The following RHEB variants were observed in gnomAD, a reference collection of about 807,000 sequenced individuals.
The protein encoded by RHEB is Ras homolog, mTORC1 binding.
In RHEB, 2 loss-of-function variants were observed where a neutral mutation model predicts 28.8. The observed-to-expected ratio is 0.07, with a 90% CI of 0.03 to 0.22. RHEB has a LOEUF of 0.22. RHEB is among the 10% of genes least tolerant of loss of function. The pLI is 1.00. For synonymous variants in RHEB, 69 were observed against 77.3 expected, an observed-to-expected ratio of 0.89 and a Z score of 0.56; for missense variants, 76 against 219.9, an observed-to-expected ratio of 0.35 and a Z score of 4.14.
intron 1 of RHEB, chr7:151,501,839 T>C (rs1374564046): frequency 2.0e-6 from 1 of 512,114 alleles, no homozygotes; most frequent in East Asian, 4.6e-5. Context: ...CAGCCGCTGC[T>C]GCCCAGAACT....
At chr7:151,498,288 A>C in intron 1 of RHEB, 1 of 500,486 alleles carries the variant, frequency 2.0e-6, no homozygotes, top group Non-Finnish European at 3.7e-6. Context: ...GAAAGAAATC[A>C]AACATCAATG....
Position 151,503,158 on chromosome 7 carries a change from T to C in RHEB, c.53-12144A>G, listed in dbSNP as rs1802804081. 8 of 791,934 alleles carry C rather than the reference T, an allele frequency of 1.0e-5. No homozygotes were observed. The South Asian group carries it at 1.1e-4, about 11-fold the overall frequency. 49.1% of individuals were successfully genotyped at this position (791,934 alleles called of 1,614,324 possible). ...TGGATATAATGAGATATGTTCTTTA[T>C]TGCCAAGGCACAGAAAAGGAGAAAA... is the stretch of plus-strand genomic sequence containing the variant. On this transcript the variant is annotated intron_variant, in intron 1 of 7. Transcript: ENST00000262187.
intron 4 of RHEB, among the ~76,000 whole-genome samples, chr7:151,476,195 G>GA (rs2150922380): frequency 6.6e-6 from 1 of 152,216 alleles, no homozygotes; most frequent in Non-Finnish European, 1.5e-5. Flanking sequence ...CTGCCACGGA[G>GA]AAAAATGTTA....
chr7:151,486,245 T>G (rs1802471707), intron 2 of RHEB, among the ~76,000 whole-genome samples: 1 of 152,188 alleles, frequency 6.6e-6, no homozygotes. Context: ...TGACCTTCAA[T>G]TAGAACTAAG....
At chr7:151,477,454 T>A (rs761296286) in intron 3 of RHEB, 39 bp from the exon 4 acceptor site, 1 of 1,196,674 alleles carries the variant, frequency 8.4e-7, no homozygotes, top group East Asian at 2.4e-5. Context: ...AGTCTTCATA[T>A]AGCATCACAA....
chr7:151,503,270 C>T, intron 1 of RHEB: 1 of 784,996 alleles, frequency 1.3e-6, no homozygotes, highest in Non-Finnish European at 2.4e-6. Context: ...GAGAGCATGC[C>T]CCTGTTGGAA....
chr7:151,478,434 T>C (rs1584850580), intron 3 of RHEB, among the ~76,000 whole-genome samples: 1 of 151,860 alleles, frequency 6.6e-6, no homozygotes, highest in South Asian at 2.1e-4. Flanking sequence ...ATAAATTCTT[T>C]GATATAATAA....
chr7:151,513,286 T>G (rs1803023320), intron 1 of RHEB, among the ~76,000 whole-genome samples: 1 of 152,186 alleles, frequency 6.6e-6, no homozygotes, highest in Non-Finnish European at 1.5e-5. Context: ...AAACTATCAT[T>G]ATTGCAAATG....
At chr7:151,490,879 C>A (rs1802568461) in intron 2 of RHEB, 64 bp downstream of exon 2, 7 of 1,215,886 alleles carry the variant, frequency 5.8e-6, no homozygotes, top group Non-Finnish European at 3.7e-6. Context: ...TCCATGAATA[C>A]ACAATGGCTA....
chr7:151,518,137 A>G (rs2150942003), intron 1 of RHEB: 1 of 152,286 alleles, frequency 6.6e-6, no homozygotes, highest in Non-Finnish European at 1.5e-5. Context: ...CGGATTCAGC[A>G]CCGCATCGCA....
intron 3 of RHEB, among the ~76,000 whole-genome samples, chr7:151,478,393 A>G (rs1386744109): frequency 1.3e-5 from 2 of 151,612 alleles, no homozygotes; most frequent in Admixed American, 6.6e-5. Flanking sequence ...TAAAGAAAAA[A>G]AAAAAAAGAA....
In RHEB at chr7:151,466,436, T is replaced by C. The variant is rs1802062065; in HGVS notation, c.*683A>G. The C allele has an allele frequency of 6.6e-6, 1 of 152,444 alleles. No individual in the cohort carries two copies. The highest frequency in any genetic ancestry group is 2.4e-5 in the African/African-American group (1 of 41,482). 9.4% of individuals were successfully genotyped at this position (152,444 alleles called of 1,614,324 possible). On this transcript the variant is annotated 3_prime_UTR_variant, in exon 8 of 8. Transcript: ENST00000262187. Reference sequence around the variant, plus strand: ...AGCATTTCAGTCAAGGTCTAGGGATTTGAGGGTGGAAGGAGAGAATTTCAT... The same window carrying C: ...AGCATTTCAGTCAAGGTCTAGGGATCTGAGGGTGGAAGGAGAGAATTTCAT...
chr7:151,484,712 T>C (rs1257854518), intron 3 of RHEB, 25 bp downstream of exon 3: 1 of 1,536,262 alleles, frequency 6.5e-7, no homozygotes, highest in African/African-American at 1.4e-5. Context: ...CTGTATAAGA[T>C]TCTGAGATAC....
At chr7:151,511,926 T>C (rs181730164) in intron 1 of RHEB, among the ~76,000 whole-genome samples, 3 of 152,316 alleles carry the variant, frequency 2.0e-5, no homozygotes, top group East Asian at 1.9e-4. Context: ...GCTGGAATTA[T>C]AGGCGAGAGC....
In RHEB at chr7:151,504,637, A is replaced by C. The variant is rs73729823; in HGVS notation, c.53-13623T>G. Among the ~76,000 whole-genome samples the C allele has an allele frequency of 8.8e-3, 1,341 of 152,350 alleles. 17 individuals are homozygous for C. Among genetic ancestry groups the C allele is most frequent in the African/African-American group, 0.03 (1,262 of 41,570 alleles). ...TAAATACTGGTATATGTACACATGA[A>C]TAAATCTCAAATGTGTTGTGCTAAG... On this transcript the variant is annotated intron_variant, in intron 1 of 7. Transcript: ENST00000262187.
Position 151,467,185 on chromosome 7 carries a change from T to G in RHEB, c.489A>C (p.Ile163=). The G allele has an allele frequency of 1.9e-6, 3 of 1,613,390 alleles. No individual in the cohort carries two copies. The highest frequency in any genetic ancestry group is 2.5e-6 in the Non-Finnish European group (3 of 1,179,392). The change falls in exon 8 of 8, where the codon ATA becomes ATC. Residue 163 remains isoleucine (I), a synonymous_variant. Coordinates refer to ENST00000262187, the MANE Select transcript of RHEB (RefSeq NM_005614.4). ...CGTCCATTTTTTCTGCCTCCAAAAT[T>G]ATCCTTCGAAAAACATCCACAGCAG... ...NQTAVDVFRR[I]ILEAEKMDGA...
At chr7:151,514,957 T>C (rs1254532103) in intron 1 of RHEB, among the ~76,000 whole-genome samples, 1 of 151,862 alleles carries the variant, frequency 6.6e-6, no homozygotes, top group Non-Finnish European at 1.5e-5. Flanking sequence ...GAGGATCACT[T>C]GAGTCCAGGA....
At chr7:151,487,478 A>G (rs959594891) in intron 2 of RHEB, among the ~76,000 whole-genome samples, 1 of 152,110 alleles carries the variant, frequency 6.6e-6, no homozygotes, top group African/African-American at 2.4e-5. Flanking sequence ...AAAATGCAGA[A>G]GATTCGGCCA....
At chr7:151,500,215 C>T (rs1293515661) in intron 1 of RHEB, among the ~76,000 whole-genome samples, 1 of 152,102 alleles carries the variant, frequency 6.6e-6, no homozygotes, top group Non-Finnish European at 1.5e-5. Flanking sequence ...GAGAATGTGA[C>T]TCTGAAAAAT....
Sources: gnomAD v4.1 joint callset for allele counts (sites outside exome capture counted in the v4.1 genomes callset) on GRCh38, gnomAD v4.1.1 for gene constraint, MANE v1.5 for transcripts, NCBI Gene and HGNC (gene_info 2026-07-23, HGNC 2026-07-21) for gene names.